The following CARMIL1 variants were observed in gnomAD, a reference collection of about 807,000 sequenced individuals.
CARMIL1 encodes the protein capping protein regulator and myosin 1 linker 1, also known as F-actin-uncapping protein LRRC16A.
A neutral mutation model predicts 177.1 loss-of-function variants in CARMIL1; 90 were observed. That is an observed-to-expected ratio of 0.51 (90% CI 0.43 to 0.61). The LOEUF is 0.61. Ranked by LOEUF, CARMIL1 falls within the 20% of genes least tolerant of loss-of-function variation. The pLI is 0.00. For missense variants in CARMIL1, 1,380 were observed against 1,667.0 expected (o/e 0.83, Z 3.00); for synonymous variants, 577 against 606.2 (o/e 0.95, Z 0.71).
chr6:25,302,020 T>C (rs1296662125), intron 2 of CARMIL1, among the ~76,000 whole-genome samples: 2 of 139,872 alleles, frequency 1.4e-5, no homozygotes, highest in Admixed American at 7.4e-5. Context: ...TGCTAAGAGT[T>C]TGAAAAGCCT....
Position 25,614,788 on chromosome 6 carries a change from C to T in CARMIL1, c.3979+4607C>T, listed in dbSNP as rs144357212. On this transcript the variant is annotated intron_variant, in intron 36 of 36. Transcript: ENST00000329474. ...CTGCCGCCCAGTGCCTATTGATCAT[C>T]CAATGAGGCTTTGCGTTAGAGTAAA... is the stretch of plus-strand genomic sequence containing the variant. 2.0e-4 allele frequency among the ~76,000 whole-genome samples: 30 copies of T among 152,298 alleles called. 1 individual carries two copies. In the East Asian group the frequency reaches 5.8e-3, roughly 29 times the overall value.
chr6:25,428,555 A>G (rs974984576), intron 4 of CARMIL1, among the ~76,000 whole-genome samples: 1 of 152,206 alleles, frequency 6.6e-6, no homozygotes, highest in Non-Finnish European at 1.5e-5. Flanking sequence ...CTCAGTTTCT[A>G]TAAAAAGCTT....
chr6:25,474,739 G>A (rs1323630426), intron 11 of CARMIL1, among the ~76,000 whole-genome samples: 1 of 152,252 alleles, frequency 6.6e-6, no homozygotes, highest in East Asian at 1.9e-4. Context: ...ACTACAGAGA[G>A]GTGAATGTGA....
At chr6:25,459,217 T>TCTTTCTTTCTTTCTTTCTTC in intron 8 of CARMIL1, among the ~76,000 whole-genome samples, 1 of 61,108 alleles carries the variant, frequency 1.6e-5, no homozygotes, top group East Asian at 5.3e-4. Flanking sequence ...ACTTTTTCTT[T>TCTTTCTTTCTTTCTTTCTTC]CTTTCTTTCT....
At chr6:25,565,705 C>T (rs546926612) in intron 29 of CARMIL1, among the ~76,000 whole-genome samples, 5 of 152,110 alleles carry the variant, frequency 3.3e-5, no homozygotes, top group Admixed American at 6.5e-5. Context: ...ATTAGCTGGG[C>T]GTGATGGCAC....
intron 22 of CARMIL1, among the ~76,000 whole-genome samples, chr6:25,519,593 G>C (rs556610971): frequency 6.6e-6 from 1 of 152,286 alleles, no homozygotes; most frequent in South Asian, 2.1e-4. Flanking sequence ...CTCGAGCCTG[G>C]TGGACATTAG....
At chr6:25,285,008 T>C (rs1222413294) in intron 2 of CARMIL1, 99 bp downstream of exon 2, 1 of 728,402 alleles carries the variant, frequency 1.4e-6, no homozygotes, top group East Asian at 2.8e-5. Flanking sequence ...TTCTGTGTTT[T>C]ATATATTGTT....
chr6:25,459,273 T>TCTTTCTTTTCTTTC (rs1390647134), intron 8 of CARMIL1, among the ~76,000 whole-genome samples: 1 of 132,758 alleles, frequency 7.5e-6, no homozygotes, highest in African/African-American at 3.0e-5. Context: ...TTTCTTTTTT[T>TCTTTCTTTTCTTTC]TTTTTTTAAG....
chr6:25,533,562 C>T (rs1807980713), intron 24 of CARMIL1, among the ~76,000 whole-genome samples: 1 of 152,044 alleles, frequency 6.6e-6, no homozygotes, highest in Non-Finnish European at 1.5e-5. Flanking sequence ...TCACAATTAC[C>T]ATCATTATTA....
intron 16 of CARMIL1, among the ~76,000 whole-genome samples, chr6:25,498,542 A>G (rs1175392347): frequency 6.6e-6 from 1 of 152,338 alleles, no homozygotes; most frequent in Non-Finnish European, 1.5e-5. Flanking sequence ...CTTAATTCAC[A>G]TGTGAGAAAA....
chr6:25,608,027 T>C (rs964994469), intron 35 of CARMIL1, among the ~76,000 whole-genome samples: 2 of 152,016 alleles, frequency 1.3e-5, no homozygotes, highest in African/African-American at 2.4e-5. Flanking sequence ...GCAAAGAAAA[T>C]AGAAAAAATT....
chr6:25,495,648 G>T (rs1803636090), intron 16 of CARMIL1, among the ~76,000 whole-genome samples: 1 of 151,962 alleles, frequency 6.6e-6, no homozygotes, highest in South Asian at 2.1e-4. Flanking sequence ...GTATGCAACA[G>T]AATGAATTTT....
intron 8 of CARMIL1, among the ~76,000 whole-genome samples, chr6:25,464,960 C>G (rs1391870001): frequency 6.7e-6 from 1 of 148,374 alleles, no homozygotes; most frequent in Non-Finnish European, 1.5e-5. Context: ...GGAATGGAGG[C>G]AGAACTGTCA....
chr6:25,496,938 CTGTACTT>C (rs1424364091), intron 16 of CARMIL1, among the ~76,000 whole-genome samples: 1 of 152,156 alleles, frequency 6.6e-6, no homozygotes, highest in African/African-American at 2.4e-5. Flanking sequence ...GCTGGACTTA[CTGTACTT>C]TGTTGCATAT....
intron 17 of CARMIL1, chr6:25,507,428 C>T (rs1024515837): frequency 6.6e-6 from 1 of 152,462 alleles, no homozygotes; most frequent in African/African-American, 2.4e-5. Context: ...TATTCTTGTT[C>T]TGCATACTGC....
At chr6:25,366,598 CT>C (rs1322265054) in intron 2 of CARMIL1, among the ~76,000 whole-genome samples, 1 of 151,036 alleles carries the variant, frequency 6.6e-6, no homozygotes, top group Non-Finnish European at 1.5e-5. Context: ...ATTTTGCTCA[CT>C]GCTGTATATC....
At chr6:25,394,511 A>T (rs1793179396) in intron 2 of CARMIL1, among the ~76,000 whole-genome samples, 1 of 152,198 alleles carries the variant, frequency 6.6e-6, no homozygotes. Flanking sequence ...AAGAAGTAAG[A>T]CACCATTTAG....
intron 12 of CARMIL1, among the ~76,000 whole-genome samples, chr6:25,483,836 T>C (rs1314303387): frequency 1.3e-5 from 2 of 152,070 alleles, no homozygotes; most frequent in African/African-American, 4.8e-5. Flanking sequence ...GGTACGATCT[T>C]GGCTTATTGC....
At chr6:25,392,523 T>C (rs980947209) in intron 2 of CARMIL1, among the ~76,000 whole-genome samples, 4 of 152,232 alleles carry the variant, frequency 2.6e-5, no homozygotes, top group African/African-American at 9.6e-5. Context: ...ACCTACTTCC[T>C]TCAGCTTTTC....
Sources: gnomAD v4.1 joint callset for allele counts (sites outside exome capture counted in the v4.1 genomes callset) on GRCh38, gnomAD v4.1.1 for gene constraint, MANE v1.5 for transcripts, NCBI Gene and HGNC (gene_info 2026-07-23, HGNC 2026-07-21) for gene names.